ANKFN1: variants seen among roughly 807,000 people sequenced by gnomAD.
ANKFN1 encodes ankyrin repeat and fibronectin type III domain containing 1, also known as ankyrin repeat and fibronectin type-III domain-containing protein 1.
ANKFN1 carries 74 observed loss-of-function variants against 108.7 expected under a neutral mutation model. The ratio of observed to expected loss-of-function variants is 0.68; its 90% CI spans 0.56 to 0.83. The LOEUF is 0.83. Ranked by LOEUF, ANKFN1 falls within the 40% of genes least tolerant of loss-of-function variation. ANKFN1 has a pLI of 0.00. For synonymous variants in ANKFN1, 547 were observed against 516.2 expected (o/e 1.06, Z -0.81); for missense variants, 1,505 against 1,382.3 (o/e 1.09, Z -1.41).
chr17:56,059,594 T>G, intron 4 of ANKFN1, among the ~76,000 whole-genome samples: 1 of 152,332 alleles, frequency 6.6e-6, no homozygotes, highest in South Asian at 2.1e-4. Flanking sequence ...TTATTCCATC[T>G]TGAGTTAACT....
chr17:56,055,566 C>CACATATAT lies in ANKFN1; in HGVS notation c.288+9242_288+9243insCATATATA, dbSNP rs1555588767. Among the ~76,000 whole-genome samples, 25 of 47,436 alleles carry CACATATAT rather than the reference C, an allele frequency of 5.3e-4. 1 individual carries two copies. Among genetic ancestry groups the CACATATAT allele is most frequent in the African/African-American group, 2.8e-3 (21 of 7,556 alleles). 31.1% of individuals were successfully genotyped at this position (47,436 alleles called of 152,430 possible). On this transcript the variant is annotated intron_variant, in intron 4 of 12. Coordinates refer to the ANKFN1 transcript ENST00000635860. Reference sequence around the variant, plus strand: ...TATATGTGTGTGTGTGGTATATATACATATATATATATATATATATATGTA... The same window carrying CACATATAT: ...TATATGTGTGTGTGTGGTATATATACACATATATATATATATATATATATATATATGTA...
chr17:56,125,374 A>G (rs774429030), intron 4 of ANKFN1, among the ~76,000 whole-genome samples: 7 of 152,344 alleles, frequency 4.6e-5, no homozygotes, highest in South Asian at 2.1e-4. Flanking sequence ...AGGAACAAAA[A>G]CCAAAGAGGT....
chr17:56,480,631 T>C (rs1270543622), intron 16 of ANKFN1, 37 bp from the exon 17 acceptor site: 3 of 1,607,896 alleles, frequency 1.9e-6, no homozygotes, highest in South Asian at 1.1e-5. Context: ...TCTGAACTTT[T>C]GTTATATTTC....
Position 56,174,852 on chromosome 17 carries a change from G to A in ANKFN1, c.-71+21322G>A, listed in dbSNP as rs1355241998. 5.9e-5 allele frequency among the ~76,000 whole-genome samples: 9 copies of A among 152,120 alleles called. No homozygotes were observed. In the East Asian group the frequency reaches 1.5e-3, roughly 26 times the overall value. On this transcript the variant is annotated intron_variant, in intron 1 of 20. Coordinates refer to ENST00000682825, the MANE Select transcript of ANKFN1 (RefSeq NM_001370326.1). ...GTTTGAAAGCCAAGCTTAACCCTGG[G>A]GATTTGAGAGGGAGTGGCAGGGAAT...
chr17:56,186,098 T>C (rs1355568608), intron 1 of ANKFN1, among the ~76,000 whole-genome samples: 1 of 152,206 alleles, frequency 6.6e-6, no homozygotes, highest in African/African-American at 2.4e-5. Flanking sequence ...TGTTTTGTTT[T>C]ACAAGTCTTA....
intron 7 of ANKFN1, 125 bp from the exon 8 acceptor site, chr17:56,374,476 G>T: frequency 1.4e-6 from 1 of 704,062 alleles, no homozygotes; most frequent in Non-Finnish European, 2.4e-6. Flanking sequence ...AAAAGCGAAA[G>T]CTATTAGGCT....
rs572895151 is a variant in ANKFN1 at position 56,307,023 on chromosome 17, A to G, written c.54-19198A>G. Among the ~76,000 whole-genome samples the G allele has an allele frequency of 6.6e-3, 998 of 152,332 alleles. 7 individuals are homozygous for G. The highest frequency in any genetic ancestry group is 0.011 in the South Asian group (51 of 4,822). ...ATGGTGCTGGGAAAACTGGCTAGCC[A>G]TATGTAGAAAGCTGAAACTGGATCC... On this transcript the variant is annotated intron_variant, in intron 3 of 20. Coordinates refer to ENST00000682825, the MANE Select transcript of ANKFN1 (RefSeq NM_001370326.1).
chr17:56,261,609 A>G (rs1483303014), intron 3 of ANKFN1, among the ~76,000 whole-genome samples: 1 of 151,958 alleles, frequency 6.6e-6, no homozygotes, highest in Non-Finnish European at 1.5e-5. Flanking sequence ...TCAACTGTCT[A>G]AGAGTCCCAA....
intron 4 of ANKFN1, among the ~76,000 whole-genome samples, chr17:56,143,337 C>T (rs996503221): frequency 2.0e-5 from 3 of 152,136 alleles, no homozygotes; most frequent in Non-Finnish European, 4.4e-5. Flanking sequence ...GAGTCATCCC[C>T]TTTATGACAC....
chr17:56,100,257 A>C (rs1026769581), intron 4 of ANKFN1, among the ~76,000 whole-genome samples: 1 of 152,198 alleles, frequency 6.6e-6, no homozygotes, highest in African/African-American at 2.4e-5. Context: ...CGGATGAATC[A>C]GATATGGAAA....
intron 20 of ANKFN1, among the ~76,000 whole-genome samples, chr17:56,508,994 C>G (rs1431138846): frequency 1.3e-5 from 2 of 152,202 alleles, no homozygotes; most frequent in African/African-American, 4.8e-5. Flanking sequence ...GCTGGGGCAG[C>G]TCCTTCCTAA....
chr17:56,410,607 G>T (rs972858328), intron 8 of ANKFN1, among the ~76,000 whole-genome samples: 1 of 152,012 alleles, frequency 6.6e-6, no homozygotes, highest in Non-Finnish European at 1.5e-5. Context: ...TGATTACCAA[G>T]CAGTGCAATA....
At chr17:56,207,922 C>A (rs1283389873) in intron 1 of ANKFN1, among the ~76,000 whole-genome samples, 2 of 152,162 alleles carry the variant, frequency 1.3e-5, no homozygotes, top group Non-Finnish European at 2.9e-5. Context: ...ACTCTCCAAG[C>A]AGGATACTTG....
chr17:56,281,334 C>T (rs992838834), intron 3 of ANKFN1, among the ~76,000 whole-genome samples: 5 of 151,982 alleles, frequency 3.3e-5, no homozygotes, highest in Non-Finnish European at 7.4e-5. Flanking sequence ...ATAAATGGTT[C>T]TAGAACAACT....
intron 4 of ANKFN1, among the ~76,000 whole-genome samples, chr17:56,052,571 A>T (rs1231825421): frequency 6.6e-6 from 1 of 152,118 alleles, no homozygotes; most frequent in Non-Finnish European, 1.5e-5. Context: ...TAAGGTCTAG[A>T]TTTTCTGCAA....
intron 8 of ANKFN1, among the ~76,000 whole-genome samples, chr17:56,390,078 A>T (rs982659493): frequency 1.1e-4 from 16 of 151,728 alleles, no homozygotes; most frequent in Admixed American, 1.3e-4. Flanking sequence ...TGTGTAGAAC[A>T]TGCAGGTTTG....
rs147904377 is a variant in ANKFN1 at position 56,452,296 on chromosome 17, A to G, written c.1207+3110A>G. Among the ~76,000 whole-genome samples the G allele has an allele frequency of 2.8e-4, 43 of 152,330 alleles. No individual in the cohort carries two copies. The East Asian group carries it at 5.8e-3, about 20-fold the overall frequency. On this transcript the variant is annotated intron_variant, in intron 11 of 20. Transcript: ENST00000682825. Reference sequence around the variant, plus strand: ...TAGGGAACTACTGCATTCAGAGTACAGAAAATGAACTGTTGCTTCAGAACT... The same window carrying G: ...TAGGGAACTACTGCATTCAGAGTACGGAAAATGAACTGTTGCTTCAGAACT...
intron 3 of ANKFN1, among the ~76,000 whole-genome samples, chr17:56,280,203 T>C (rs1303484316): frequency 6.6e-6 from 1 of 151,894 alleles, no homozygotes; most frequent in East Asian, 1.9e-4. Context: ...TATAGAAATA[T>C]ATATATATTT....
chr17:56,464,294 C>T (rs773119149), intron 14 of ANKFN1, among the ~76,000 whole-genome samples: 1 of 152,162 alleles, frequency 6.6e-6, no homozygotes, highest in Non-Finnish European at 1.5e-5. Flanking sequence ...GAAAAGACCA[C>T]CGTAGTCAAT....
Sources: gnomAD v4.1 joint callset for allele counts (sites outside exome capture counted in the v4.1 genomes callset) on GRCh38, gnomAD v4.1.1 for gene constraint, MANE v1.5 for transcripts, NCBI Gene and HGNC (gene_info 2026-07-23, HGNC 2026-07-21) for gene names.